The following SULF2 variants were observed in gnomAD, a reference collection of about 807,000 sequenced individuals.
SULF2 encodes the protein extracellular sulfatase Sulf-2.
A neutral mutation model predicts 107.7 loss-of-function variants in SULF2; 52 were observed. That is an observed-to-expected ratio of 0.48 (90% confidence interval 0.39 to 0.61). SULF2 has a LOEUF of 0.61. Ranked by LOEUF, SULF2 falls within the 20% of genes least tolerant of loss-of-function variation. The pLI is 0.00. For synonymous variants in SULF2, 460 were observed against 464.3 expected, an observed-to-expected ratio of 0.99 and a Z score of 0.12; for missense variants, 993 against 1,177.3, an observed-to-expected ratio of 0.84 and a Z score of 2.29.
intron 3 of SULF2, among the ~76,000 whole-genome samples, chr20:47,711,641 A>T (rs2088932286): frequency 6.6e-6 from 1 of 152,246 alleles, no homozygotes; most frequent in Non-Finnish European, 1.5e-5. Flanking sequence ...ACAGCTCTCT[A>T]AGAGTCCAAA....
chr20:47,724,835 C>T (rs1453117969), intron 3 of SULF2, among the ~76,000 whole-genome samples: 2 of 152,176 alleles, frequency 1.3e-5, no homozygotes, highest in Non-Finnish European at 2.9e-5. Flanking sequence ...GAGCTGTTCT[C>T]AGCGCCATCA....
chr20:47,784,238 C>T (rs150115524), intron 1 of SULF2, among the ~76,000 whole-genome samples: 2 of 151,770 alleles, frequency 1.3e-5, no homozygotes, highest in Non-Finnish European at 2.9e-5. Context: ...GGGCGGGTGT[C>T]CCAACACGCA....
At chr20:47,700,257 C>A (rs997662005) in intron 4 of SULF2, among the ~76,000 whole-genome samples, 2 of 152,302 alleles carry the variant, frequency 1.3e-5, no homozygotes, top group Non-Finnish European at 2.9e-5. Context: ...TTTTTGTAAA[C>A]AAAGCTTCCT....
chr20:47,672,492 T>C, intron 10 of SULF2, 99 bp from the exon 11 acceptor site: 1 of 1,449,938 alleles, frequency 6.9e-7, no homozygotes, highest in Non-Finnish European at 9.1e-7. Context: ...TCCCTCTCCC[T>C]GCTTGCATCC....
At chr20:47,697,423 A>T (rs1298781923) in intron 4 of SULF2, among the ~76,000 whole-genome samples, 1 of 152,190 alleles carries the variant, frequency 6.6e-6, no homozygotes, top group Non-Finnish European at 1.5e-5. Context: ...GCCCGAGGCC[A>T]GCAGTGACAT....
At chr20:47,756,631 C>T (rs1467901690) in intron 2 of SULF2, among the ~76,000 whole-genome samples, 2 of 149,348 alleles carry the variant, frequency 1.3e-5, no homozygotes, top group African/African-American at 2.5e-5. Flanking sequence ...AATTTGGCTC[C>T]AGGCTCATGT....
intron 10 of SULF2, 87 bp from the exon 11 acceptor site, chr20:47,672,480 C>T: frequency 1.4e-6 from 2 of 1,461,072 alleles, no homozygotes; most frequent in South Asian, 1.4e-5. Flanking sequence ...ACCCTGGAGA[C>T]ATCCCTCTCC....
At chr20:47,674,708 C>G (rs140169639) in intron 10 of SULF2, among the ~76,000 whole-genome samples, 1 of 152,170 alleles carries the variant, frequency 6.6e-6, no homozygotes, top group Non-Finnish European at 1.5e-5. Flanking sequence ...TGGGGTAGCA[C>G]GGACAAGGTA....
At chr20:47,772,198 C>G (rs148180220) in intron 1 of SULF2, among the ~76,000 whole-genome samples, 85 of 152,358 alleles carry the variant, frequency 5.6e-4, no homozygotes, top group African/African-American at 1.8e-3. Context: ...GGAACCAGCA[C>G]CCATTGCCAT....
At chr20:47,684,727 C>T (rs984780851) in intron 5 of SULF2, 146 bp from the exon 6 acceptor site, 1 of 717,262 alleles carries the variant, frequency 1.4e-6, no homozygotes, top group Non-Finnish European at 2.2e-6. Context: ...GGAAAGGGGA[C>T]ATTGGCATGT....
chr20:47,753,102 A>C (rs1338505063), intron 2 of SULF2, among the ~76,000 whole-genome samples: 1 of 145,970 alleles, frequency 6.9e-6, no homozygotes, highest in Admixed American at 6.8e-5. Context: ...CTCTCTCAAA[A>C]AAAAAAAAAA....
Position 47,659,360 on chromosome 20 carries a change from G to C in SULF2, c.2582+39C>G, listed in dbSNP as rs1356296532. On this transcript the variant is annotated intron_variant, in intron 20 of 20. Coordinates refer to ENST00000688720, the MANE Select transcript of SULF2 (RefSeq NM_001387048.1). ...TAGCATTGGCAAAATGAAGCGGTCA[G>C]AACCAGATTTCTATTTGTAAGCTGG... 3 of 1,595,676 alleles carry C rather than the reference G, an allele frequency of 1.9e-6. No individual in the cohort carries two copies. The African/African-American group carries it at 4.0e-5, about 21-fold the overall frequency.
Position 47,684,434 on chromosome 20 carries a change from C to T in SULF2, c.885G>A (p.Glu295=), listed in dbSNP as rs748602054. Residue 295 remains glutamate (E), a synonymous_variant, in exon 6 of 21, where the codon GAG becomes GAA. Transcript: ENST00000688720. ...QTLMSVDDSM[E]TIYNMLVETG... ...GAGGCATGCAGCGGGCGCCTACCGT[C>T]TCCATGGAGTCGTCCACCGACATGA... is the stretch of plus-strand genomic sequence containing the variant. The T allele has an allele frequency of 3.7e-6, 6 of 1,609,246 alleles. No homozygotes were observed. Among genetic ancestry groups the T allele is most frequent in the Non-Finnish European group, 5.1e-6 (6 of 1,177,748 alleles).
intron 2 of SULF2, among the ~76,000 whole-genome samples, chr20:47,751,481 G>T (rs1412691306): frequency 6.6e-6 from 1 of 152,192 alleles, no homozygotes; most frequent in African/African-American, 2.4e-5. Flanking sequence ...CTCTCTTCTA[G>T]GTGAGAGAAG....
At chr20:47,730,259 C>A in intron 3 of SULF2, among the ~76,000 whole-genome samples, 1 of 152,178 alleles carries the variant, frequency 6.6e-6, no homozygotes, top group East Asian at 1.9e-4. Context: ...CATTTTAGAA[C>A]ATGATGCAGA....
At chr20:47,730,005 A>AAGTGT (rs1380109928) in intron 3 of SULF2, among the ~76,000 whole-genome samples, 27 of 152,168 alleles carry the variant, frequency 1.8e-4, no homozygotes, top group Admixed American at 7.2e-4. Flanking sequence ...GGGGTGCCCC[A>AAGTGT]AGTGTAGTGT....
chr20:47,679,412 C>T (rs769554206), intron 7 of SULF2, among the ~76,000 whole-genome samples: 2 of 152,214 alleles, frequency 1.3e-5, no homozygotes, highest in African/African-American at 2.4e-5. Flanking sequence ...CCAACCTGCA[C>T]CTGCTGCCAA....
chr20:47,728,646 T>C (rs1259074760), intron 3 of SULF2, among the ~76,000 whole-genome samples: 2 of 122,012 alleles, frequency 1.6e-5, no homozygotes, highest in East Asian at 2.1e-4. Flanking sequence ...AGCTGGCATT[T>C]TATTTATTTA....
chr20:47,763,465 AGAG>A (rs1209708600), intron 1 of SULF2, among the ~76,000 whole-genome samples: 1 of 152,168 alleles, frequency 6.6e-6, no homozygotes, highest in Non-Finnish European at 1.5e-5. Context: ...AAATCCAACA[AGAG>A]GAGGAGAGAG....
Sources: allele counts gnomAD v4.1 joint callset (sites outside exome capture counted in the v4.1 genomes callset), GRCh38; gene constraint gnomAD v4.1.1; transcripts MANE v1.5; gene names NCBI Gene and HGNC (gene_info 2026-07-23, HGNC 2026-07-21).